UNC50: variants seen among roughly 807,000 people sequenced by gnomAD.
The protein encoded by UNC50 is protein unc-50 homolog.
In UNC50, 24 loss-of-function variants were observed where a neutral mutation model predicts 31.5. That is an observed-to-expected ratio of 0.76 (90% CI 0.55 to 1.07). The LOEUF (loss-of-function observed/expected upper bound fraction) is 1.07. Ranked by LOEUF, UNC50 falls within the 50% of genes least tolerant of loss-of-function variation. The pLI is 0.00. For synonymous variants in UNC50, 118 were observed against 114.7 expected (o/e 1.03, Z -0.18); for missense variants, 245 against 304.2 (o/e 0.81, Z 1.45).
chr2:98,615,593 A>C (rs2104185050), intron 3 of UNC50, among the ~76,000 whole-genome samples: 1 of 152,264 alleles, frequency 6.6e-6, no homozygotes, highest in South Asian at 2.1e-4. Context: ...CACTGCCACC[A>C]GCCCCTCTGC....
intron 5 of UNC50, among the ~76,000 whole-genome samples, chr2:98,617,424 T>C (rs993323950): frequency 1.3e-5 from 2 of 152,196 alleles, no homozygotes; most frequent in African/African-American, 4.8e-5. Flanking sequence ...GTTTGTGTCA[T>C]TTCTAATGAA....
At chr2:98,610,104 ATGTGT>A (rs1453345321) in intron 2 of UNC50, 65 bp downstream of exon 2, 4 of 1,478,864 alleles carry the variant, frequency 2.7e-6, no homozygotes, top group Non-Finnish European at 3.7e-6. Context: ...TTTGTTATAA[ATGTGT>A]TGTGGGTCAG....
chr2:98,613,996 G>A (rs1182488328), intron 3 of UNC50, among the ~76,000 whole-genome samples: 2 of 152,230 alleles, frequency 1.3e-5, no homozygotes, highest in African/African-American at 4.8e-5. Flanking sequence ...GGGTGACACC[G>A]AGTCACTGGG....
Position 98,618,305 on chromosome 2 carries a change from A to AAAG in UNC50, c.*2_*4dup, listed in dbSNP as rs1559150191. The AAAG allele has an allele frequency of 2.5e-6, 4 of 1,589,106 alleles. No homozygotes were observed. Among genetic ancestry groups the AAAG allele is most frequent in the South Asian group, 2.3e-5 (2 of 85,682 alleles). The stretch of plus-strand genomic sequence containing the variant: ...TTTCTATAAGTACAGAGTGAAATAA[A>AAAG]AAGTGAGAAGAAGATTCAATCGTAA... On this transcript the variant is annotated 3_prime_UTR_variant, in exon 6 of 6. Transcript: ENST00000357765.
intron 5 of UNC50, among the ~76,000 whole-genome samples, chr2:98,617,377 C>CTTGT (rs563134223): frequency 2.0e-3 from 298 of 152,208 alleles, no homozygotes; most frequent in African/African-American, 7.0e-3. Context: ...ATTGTAATGC[C>CTTGT]TTGTTTGGGG....
At chr2:98,616,131 C>A in intron 3 of UNC50, 76 bp from the exon 4 acceptor site, 2 of 1,444,828 alleles carry the variant, frequency 1.4e-6, no homozygotes, top group Admixed American at 2.1e-5. Context: ...TTTAGAATGT[C>A]TGCCGCATAG....
At chr2:98,612,937 A>G (rs1350537552) in intron 3 of UNC50, among the ~76,000 whole-genome samples, 1 of 152,278 alleles carries the variant, frequency 6.6e-6, no homozygotes, top group Non-Finnish European at 1.5e-5. Context: ...ATGCTGACAC[A>G]GAGACATGAA....
chr2:98,616,338 T>C lies in UNC50; in HGVS notation c.533T>C (p.Phe178Ser), dbSNP rs1355014158. The change falls in exon 4 of 6, where the codon TTC becomes TCC. Residue 178 changes from phenylalanine (F) to serine (S), a missense_variant. By Grantham distance (155) the Phe-to-Ser change is radical. Transcript: ENST00000357765. Reference protein sequence around the residue: ...LVILHFIQLFFINHVILTDTF... With the variant: ...LVILHFIQLFSINHVILTDTF... Reference sequence around the variant, plus strand: ...ATTTTGCATTTTATCCAGCTTTTTTTCATCAACCGTAAGTAGCAGTTAATT... The same window carrying C: ...ATTTTGCATTTTATCCAGCTTTTTTCCATCAACCGTAAGTAGCAGTTAATT... 5 of 1,613,992 alleles carry C rather than the reference T, an allele frequency of 3.1e-6. No homozygotes were observed. In the South Asian group the frequency reaches 5.5e-5, roughly 18 times the overall value.
intron 5 of UNC50, 137 bp downstream of exon 5, chr2:98,616,670 T>A (rs1700927361): frequency 1.5e-6 from 1 of 676,396 alleles, no homozygotes; most frequent in African/African-American, 1.8e-5. Flanking sequence ...TCTCATTTAA[T>A]CTTCATGACA....
chr2:98,616,135 C>T lies in UNC50; in HGVS notation c.402-72C>T, dbSNP rs150518865. ...TATCTCCAGAATTTAGAATGTCTGC[C>T]GCATAGAAAGTCGTCAGTAAACATT... On this transcript the variant is annotated intron_variant, in intron 3 of 5. Transcript: ENST00000357765. The T allele has an allele frequency of 1.5e-3, 2,251 of 1,462,368 alleles. 31 individuals are homozygous for T. The African/African-American group carries it at 0.027, about 17-fold the overall frequency. 90.6% of individuals were successfully genotyped at this position (1,462,368 alleles called of 1,614,324 possible).
At chr2:98,609,715 C>A in intron 1 of UNC50, 41 bp from the exon 2 acceptor site, 1 of 1,610,782 alleles carries the variant, frequency 6.2e-7, no homozygotes. Context: ...CCAAATGTTT[C>A]TTCAGAATAC....
At chr2:98,609,283 G>GA (rs1368906937) in intron 1 of UNC50, 1 of 159,818 alleles carries the variant, frequency 6.3e-6, no homozygotes, top group Non-Finnish European at 1.4e-5. Flanking sequence ...TAGTGACCGA[G>GA]AAGCTTGCTG....
chr2:98,608,978 A>C (rs1044339779), intron 1 of UNC50: 2 of 165,396 alleles, frequency 1.2e-5, no homozygotes, highest in African/African-American at 4.8e-5. Flanking sequence ...CTAAAACCTT[A>C]TTCGTGGCCT....
intron 5 of UNC50, among the ~76,000 whole-genome samples, chr2:98,617,318 C>T (rs3820941): frequency 0.23 from 35,301 of 152,090 alleles, 4,273 homozygotes; most frequent in Middle Eastern, 0.33. Flanking sequence ...ATTCCCACCC[C>T]GGTTCTCTCC....
chr2:98,610,162 C>T (rs189299913), intron 2 of UNC50, 123 bp downstream of exon 2: 84 of 1,045,296 alleles, frequency 8.0e-5, no homozygotes, highest in Non-Finnish European at 1.1e-4. Flanking sequence ...TTACTGAAGC[C>T]TCAAAAAATC....
chr2:98,615,246 G>A (rs760314996), intron 3 of UNC50, among the ~76,000 whole-genome samples: 4 of 152,112 alleles, frequency 2.6e-5, no homozygotes, highest in Admixed American at 6.5e-5. Context: ...ATTCAGGCCC[G>A]TGGCTTTAAA....
In UNC50 at chr2:98,618,194, ATTC is replaced by A. The variant is rs545898735; in HGVS notation, c.675_677del (p.Leu226del). On this transcript the variant is annotated inframe_deletion, in exon 6 of 6. Transcript: ENST00000357765. ...ATTGCCATTTTTGAAAAATACAGTA[ATTC>A]TTCTGTATCCATTTGCACCTCTGAT... 3 of 1,597,188 alleles carry A rather than the reference ATTC, an allele frequency of 1.9e-6. No homozygotes were observed. The highest frequency in any genetic ancestry group is 2.7e-5 in the African/African-American group (2 of 73,998).
intron 5 of UNC50, among the ~76,000 whole-genome samples, chr2:98,617,000 C>T (rs780920170): frequency 1.2e-4 from 19 of 152,126 alleles, no homozygotes; most frequent in Non-Finnish European, 2.5e-4. Flanking sequence ...CTTTTTGCCC[C>T]ATTCTTAGTT....
rs990503039 is a variant in UNC50, at chr2:98,611,934, TTCTC to T, written c.401+1045_401+1048del. Among the ~76,000 whole-genome samples, 15 of 152,084 alleles carry T rather than the reference TTCTC, an allele frequency of 9.9e-5. No homozygotes were observed. In the South Asian group the frequency reaches 1.7e-3, roughly 17 times the overall value. On this transcript the variant is annotated intron_variant, in intron 3 of 5. Transcript: ENST00000357765. Reference sequence around the variant, plus strand: ...TCATGCCTTCCTACTGAGAATAAAATTCTCTCTCTTTCTCTCATACACACACACC... The same window carrying T: ...TCATGCCTTCCTACTGAGAATAAAATTCTCTTTCTCTCATACACACACACC...
Sources: gnomAD v4.1 joint callset for allele counts (sites outside exome capture counted in the v4.1 genomes callset) on GRCh38, gnomAD v4.1.1 for gene constraint, MANE v1.5 for transcripts, NCBI Gene and HGNC (gene_info 2026-07-23, HGNC 2026-07-21) for gene names.